The following SLC13A3 variants were observed in gnomAD, a reference collection of about 807,000 sequenced individuals.
SLC13A3 encodes solute carrier family 13 member 3.
Under a neutral mutation model 59.0 loss-of-function variants are expected in SLC13A3, and 40 were observed. The ratio of observed to expected loss-of-function variants is 0.68; its 90% CI spans 0.53 to 0.88. The LOEUF (loss-of-function observed/expected upper bound fraction) is 0.88. SLC13A3 is among the 40% of genes least tolerant of loss of function. SLC13A3 has a pLI of 0.00. For synonymous variants in SLC13A3, 317 were observed against 330.3 expected, an observed-to-expected ratio of 0.96 and a Z score of 0.44; for missense variants, 699 against 783.2, an observed-to-expected ratio of 0.89 and a Z score of 1.28.
chr20:46,578,336 CT>C (rs1444491581), intron 9 of SLC13A3, among the ~76,000 whole-genome samples: 1 of 152,082 alleles, frequency 6.6e-6, no homozygotes, highest in Non-Finnish European at 1.5e-5. Flanking sequence ...GAAAATTTGT[CT>C]CCTTGGAGAA....
intron 1 of SLC13A3, among the ~76,000 whole-genome samples, chr20:46,618,102 C>T (rs1293733187): frequency 6.6e-6 from 1 of 152,162 alleles, no homozygotes; most frequent in East Asian, 1.9e-4. Context: ...GTTTCACTTT[C>T]ATCTTAGGTC....
chr20:46,580,752 T>C (rs1375301650), intron 9 of SLC13A3, among the ~76,000 whole-genome samples: 3 of 151,950 alleles, frequency 2.0e-5, no homozygotes, highest in African/African-American at 4.8e-5. Flanking sequence ...CACTCCAGGG[T>C]TGGGGCTTGG....
At chr20:46,581,700 G>A (rs1312659080) in intron 9 of SLC13A3, among the ~76,000 whole-genome samples, 1 of 152,202 alleles carries the variant, frequency 6.6e-6, no homozygotes, top group African/African-American at 2.4e-5. Context: ...TAGAAAACAT[G>A]AGGAAGTGGA....
At chr20:46,592,257 A>ATACC (rs1322438237) in intron 6 of SLC13A3, 147 bp downstream of exon 6, 13 of 944,116 alleles carry the variant, frequency 1.4e-5, no homozygotes, top group African/African-American at 3.4e-5. Flanking sequence ...ACATATATAC[A>ATACC]TACCTACATA....
intron 1 of SLC13A3, among the ~76,000 whole-genome samples, chr20:46,664,818 G>C (rs1175699407): frequency 6.6e-6 from 1 of 152,132 alleles, no homozygotes; most frequent in Non-Finnish European, 1.5e-5. Context: ...GTATACAAAG[G>C]AAGCATTCCA....
intron 1 of SLC13A3, among the ~76,000 whole-genome samples, chr20:46,648,802 G>C (rs2062921514): frequency 6.6e-6 from 1 of 152,108 alleles, no homozygotes. Flanking sequence ...CTACTTGGGA[G>C]GCTGAGGCAG....
chr20:46,655,935 C>T (rs1253300762), upstream of SLC13A3, among the ~76,000 whole-genome samples: 1 of 137,738 alleles, frequency 7.3e-6, no homozygotes, highest in Non-Finnish European at 1.5e-5. Flanking sequence ...ATATAATATA[C>T]TACAGTATAT....
intron 3 of SLC13A3, among the ~76,000 whole-genome samples, chr20:46,604,581 C>T (rs2062417419): frequency 6.6e-6 from 1 of 152,160 alleles, no homozygotes; most frequent in East Asian, 1.9e-4. Context: ...TTCCACACCA[C>T]GGGCCGCTCT....
intron 9 of SLC13A3, among the ~76,000 whole-genome samples, chr20:46,576,443 T>G (rs1343160863): frequency 6.6e-6 from 1 of 152,132 alleles, no homozygotes; most frequent in African/African-American, 2.4e-5. Context: ...CAAGTGACTT[T>G]GCCTCCCTGA....
intron 3 of SLC13A3, among the ~76,000 whole-genome samples, chr20:46,608,049 G>A (rs2062453117): frequency 1.3e-5 from 2 of 152,256 alleles, no homozygotes; most frequent in East Asian, 3.9e-4. Flanking sequence ...AGAGTCCCAG[G>A]TGCTTGCTGC....
At chr20:46,613,181 G>A (rs2062517085) in intron 2 of SLC13A3, among the ~76,000 whole-genome samples, 1 of 151,748 alleles carries the variant, frequency 6.6e-6, no homozygotes, top group African/African-American at 2.4e-5. Context: ...CCCTGGGGGT[G>A]GGGCCTGGGG....
intron 10 of SLC13A3, among the ~76,000 whole-genome samples, chr20:46,573,854 C>G (rs1420394975): frequency 6.6e-6 from 1 of 152,206 alleles, no homozygotes; most frequent in East Asian, 1.9e-4. Flanking sequence ...AACATTGTAA[C>G]TTCATTTGAA....
intron 8 of SLC13A3, chr20:46,584,002 T>C (rs2062166631): frequency 1.0e-6 from 1 of 985,238 alleles, no homozygotes; most frequent in Non-Finnish European, 1.2e-6. Context: ...TAAATCACCC[T>C]CACCGGGACT....
At chr20:46,617,954 C>T (rs2062577811) in intron 1 of SLC13A3, among the ~76,000 whole-genome samples, 3 of 152,166 alleles carry the variant, frequency 2.0e-5, no homozygotes, top group Admixed American at 2.0e-4. Context: ...AACAGGTATC[C>T]CAATTTGTAA....
intron 2 of SLC13A3, among the ~76,000 whole-genome samples, chr20:46,610,825 T>C (rs1818830993): frequency 6.6e-6 from 1 of 152,170 alleles, no homozygotes; most frequent in Non-Finnish European, 1.5e-5. Context: ...GTACCCAGGT[T>C]ATAAAGACAT....
At chr20:46,635,182 G>A (rs192322125) in intron 1 of SLC13A3, among the ~76,000 whole-genome samples, 41 of 152,186 alleles carry the variant, frequency 2.7e-4, no homozygotes, top group African/African-American at 7.7e-4. Context: ...ATGTTAGAAC[G>A]TTATTCCCAA....
intron 8 of SLC13A3, chr20:46,584,094 C>G (rs989704920): frequency 1.4e-5 from 14 of 985,302 alleles, no homozygotes; most frequent in Non-Finnish European, 1.6e-5. Context: ...ATACAGCCCA[C>G]TCACACCAGT....
chr20:46,605,474 C>A (rs1441571550), intron 3 of SLC13A3, among the ~76,000 whole-genome samples: 1 of 152,104 alleles, frequency 6.6e-6, no homozygotes, highest in Non-Finnish European at 1.5e-5. Flanking sequence ...GGGTCTTATT[C>A]ACATCATACA....
chr20:46,635,438 T>C (rs2062786015), intron 1 of SLC13A3, among the ~76,000 whole-genome samples: 1 of 152,192 alleles, frequency 6.6e-6, no homozygotes, highest in African/African-American at 2.4e-5. Context: ...GCTCTTCCTT[T>C]ATAGATGCTC....
Sources: gnomAD v4.1 joint callset for allele counts (sites outside exome capture counted in the v4.1 genomes callset) on GRCh38, gnomAD v4.1.1 for gene constraint, MANE v1.5 for transcripts, NCBI Gene and HGNC (gene_info 2026-07-23, HGNC 2026-07-21) for gene names.